Variants in GALNTL6 observed in about 807,000 individuals in gnomAD.
GALNTL6 encodes polypeptide N-acetylgalactosaminyltransferase like 6.
A neutral mutation model predicts 73.7 loss-of-function variants in GALNTL6; 46 were observed. The ratio of observed to expected loss-of-function variants is 0.62; its 90% CI spans 0.49 to 0.80. The LOEUF (loss-of-function observed/expected upper bound fraction) is 0.80. Ranked by LOEUF, GALNTL6 falls within the 30% of genes least tolerant of loss-of-function variation. The pLI, the probability that GALNTL6 is intolerant of heterozygous loss-of-function variation, is 0.00. For synonymous variants in GALNTL6, 259 were observed against 263.7 expected, an observed-to-expected ratio of 0.98 and a Z score of 0.17; for missense variants, 604 against 755.0, an observed-to-expected ratio of 0.80 and a Z score of 2.34.
Position 172,952,235 on chromosome 4 carries a change from C to G in GALNTL6, c.1348C>G (p.Pro450Ala). 6.2e-7 allele frequency: 1 copy of G among 1,613,734 alleles called. No individual in the cohort carries two copies. Among genetic ancestry groups the G allele is most frequent in the Non-Finnish European group, 8.5e-7 (1 of 1,179,744 alleles). ...DVPKYYPPVE[P>A]PPAAWGEIRN... Reference sequence around the variant, plus strand: ...GCCTAAATACTACCCTCCAGTGGAGCCCCCGCCTGCTGCCTGGGGGGAGGT... The same window carrying G: ...GCCTAAATACTACCCTCCAGTGGAGGCCCCGCCTGCTGCCTGGGGGGAGGT... The change falls in exon 10 of 13, where the codon CCC (proline) becomes GCC (alanine). Residue 450 changes from proline (P) to alanine (A), a missense_variant. This residue lies in a region of GALNTL6 where 261 missense variants were observed against 296.5 expected (regional missense o/e 0.88). Coordinates refer to ENST00000506823, the MANE Select transcript of GALNTL6 (RefSeq NM_001034845.3).
chr4:172,435,179 C>T (rs948633641), intron 5 of GALNTL6, among the ~76,000 whole-genome samples: 4 of 152,020 alleles, frequency 2.6e-5, no homozygotes, highest in African/African-American at 7.2e-5. Flanking sequence ...CTTTATAAAT[C>T]CTTGGGTTCT....
At chr4:172,728,792 A>G (rs1224185345) in intron 5 of GALNTL6, among the ~76,000 whole-genome samples, 2 of 152,208 alleles carry the variant, frequency 1.3e-5, no homozygotes, top group Admixed American at 1.3e-4. Flanking sequence ...GTTTTTGAGG[A>G]GATTCCATAA....
intron 5 of GALNTL6, among the ~76,000 whole-genome samples, chr4:172,397,300 C>A (rs528273908): frequency 1.6e-4 from 25 of 152,196 alleles, no homozygotes; most frequent in African/African-American, 5.8e-4. Context: ...CTCCTTGACA[C>A]CCATGAAATG....
chr4:171,968,847 G>C (rs993651684), intron 2 of GALNTL6, among the ~76,000 whole-genome samples: 3 of 150,358 alleles, frequency 2.0e-5, no homozygotes, highest in Admixed American at 6.6e-5. Context: ...GGGGTGGGGG[G>C]GGGGTTGGGG....
At chr4:172,280,374 A>G (rs1739000768) in intron 3 of GALNTL6, among the ~76,000 whole-genome samples, 1 of 152,154 alleles carries the variant, frequency 6.6e-6, no homozygotes. Flanking sequence ...GTTGTTTCCA[A>G]ATCACTGTAG....
chr4:172,947,416 TTAAAG>T (rs1357987681), intron 9 of GALNTL6, among the ~76,000 whole-genome samples: 1 of 152,074 alleles, frequency 6.6e-6, no homozygotes, highest in East Asian at 1.9e-4. Context: ...CAATTTGAGG[TTAAAG>T]TATTTTTATT....
At chr4:172,046,037 T>C (rs1742210340) in intron 2 of GALNTL6, among the ~76,000 whole-genome samples, 1 of 152,090 alleles carries the variant, frequency 6.6e-6, no homozygotes, top group Admixed American at 6.6e-5. Context: ...TCTTCTTTTT[T>C]AAGGCAGAAT....
At chr4:172,061,457 C>G (rs930651656) in intron 2 of GALNTL6, among the ~76,000 whole-genome samples, 1 of 152,052 alleles carries the variant, frequency 6.6e-6, no homozygotes, top group African/African-American at 2.4e-5. Context: ...TCCCCTCAAG[C>G]TCCTTTATTT....
chr4:172,219,792 C>A (rs952119662), intron 2 of GALNTL6, among the ~76,000 whole-genome samples: 1 of 151,892 alleles, frequency 6.6e-6, no homozygotes, highest in African/African-American at 2.4e-5. Flanking sequence ...TTCCTCCGAA[C>A]ACTGTAGACA....
intron 3 of GALNTL6, among the ~76,000 whole-genome samples, chr4:172,307,322 G>A (rs1459917451): frequency 6.6e-6 from 1 of 152,134 alleles, no homozygotes; most frequent in African/African-American, 2.4e-5. Context: ...TTACTCTGCT[G>A]ATTATATCTT....
rs538941429 is a variant in GALNTL6 at position 172,163,486 on chromosome 4, C to A, written c.139-66170C>A. Among the ~76,000 whole-genome samples the A allele has an allele frequency of 3.9e-5, 6 of 152,030 alleles. No homozygotes were observed. The East Asian group carries it at 1.2e-3, about 29-fold the overall frequency. ...TTAGATAAGGTTCTAAAGAAACAAG[C>A]AAATGGTATTTAACAAAGCTTGAAT... On this transcript the variant is annotated intron_variant, in intron 2 of 12. Coordinates refer to ENST00000506823, the MANE Select transcript of GALNTL6 (RefSeq NM_001034845.3).
chr4:172,011,664 C>T (rs1003261807), intron 2 of GALNTL6, among the ~76,000 whole-genome samples: 2 of 151,836 alleles, frequency 1.3e-5, no homozygotes, highest in Non-Finnish European at 2.9e-5. Context: ...TCCCTTAAAC[C>T]TCTAGTTACA....
At chr4:172,980,179 T>A (rs1043643161) in intron 10 of GALNTL6, among the ~76,000 whole-genome samples, 1 of 152,244 alleles carries the variant, frequency 6.6e-6, no homozygotes, top group African/African-American at 2.4e-5. Context: ...CATCAGACTC[T>A]ACAACTTGGT....
intron 10 of GALNTL6, among the ~76,000 whole-genome samples, chr4:172,981,195 A>G (rs540104070): frequency 1.3e-5 from 2 of 152,190 alleles, no homozygotes; most frequent in African/African-American, 4.8e-5. Flanking sequence ...CTTGCTATCA[A>G]TTCTTTTGGG....
rs1753023378 is a variant in GALNTL6 at position 173,022,075 on chromosome 4, G to GAAGGA, written c.1638+452_1638+456dup. 2.6e-5 allele frequency among the ~76,000 whole-genome samples: 3 copies of GAAGGA among 115,990 alleles called. No individual in the cohort carries two copies. The East Asian group carries it at 6.7e-4, about 26-fold the overall frequency. The allele number at this position is 115,990 out of a possible 152,430, so 76.1% of individuals were successfully genotyped here. ...GGAAGGAAGGAAGGAAGGAAGGAAG[G>GAAGGA]AAGGAAGGAAGGAAAGAAGGAAGGA... On this transcript the variant is annotated intron_variant, in intron 12 of 12. Coordinates refer to ENST00000506823, the MANE Select transcript of GALNTL6 (RefSeq NM_001034845.3).
intron 5 of GALNTL6, among the ~76,000 whole-genome samples, chr4:172,784,234 C>T (rs1159348247): frequency 1.3e-5 from 2 of 151,910 alleles, no homozygotes; most frequent in African/African-American, 2.4e-5. Flanking sequence ...TAAATTAAAA[C>T]TTCATTCTAA....
chr4:172,810,758 C>T (rs1741250077), intron 6 of GALNTL6, among the ~76,000 whole-genome samples: 1 of 152,190 alleles, frequency 6.6e-6, no homozygotes, highest in African/African-American at 2.4e-5. Flanking sequence ...CAGTCAGAGA[C>T]TCCTCTGAGC....
At chr4:172,700,675 AC>A (rs1224580294) in intron 5 of GALNTL6, among the ~76,000 whole-genome samples, 1 of 152,138 alleles carries the variant, frequency 6.6e-6, no homozygotes, top group South Asian at 2.1e-4. Context: ...TCTCTTCATC[AC>A]TTATTACTTT....
intron 7 of GALNTL6, among the ~76,000 whole-genome samples, chr4:172,861,914 T>C (rs143093458): frequency 3.3e-5 from 5 of 152,332 alleles, no homozygotes; most frequent in African/African-American, 1.2e-4. Flanking sequence ...GTCTCAGGTA[T>C]GTCCTTATTA....
Sources: allele counts gnomAD v4.1 joint callset (sites outside exome capture counted in the v4.1 genomes callset), GRCh38; gene constraint gnomAD v4.1.1; regional missense constraint gnomAD v4.1.1; transcripts MANE v1.5; gene names NCBI Gene and HGNC (gene_info 2026-07-23, HGNC 2026-07-21).